RIPOR1: variants seen among roughly 807,000 people sequenced by gnomAD.
RIPOR1 encodes rho family-interacting cell polarization regulator 1.
RIPOR1 carries 58 observed loss-of-function variants against 116.5 expected under a neutral mutation model. That is an observed-to-expected ratio of 0.50 (90% CI 0.40 to 0.62). RIPOR1 has a LOEUF of 0.62. RIPOR1 is among the 20% of genes least tolerant of loss of function. The pLI, the probability that RIPOR1 is intolerant of heterozygous loss-of-function variation, is 0.00. For missense variants in RIPOR1, 1,372 were observed against 1,586.2 expected (o/e 0.86, Z 2.29); for synonymous variants, 605 against 650.0 (o/e 0.93, Z 1.05).
Position 67,529,856 on chromosome 16 carries a change from A to AG in RIPOR1, c.-24+943dup. Reference sequence around the variant, plus strand: ...CTGGCAGATGCAGAAACAGGCCCAGAGAGGTTAGTAGTATTCTCAAGGTCA... The same window carrying AG: ...CTGGCAGATGCAGAAACAGGCCCAGAGGAGGTTAGTAGTATTCTCAAGGTCA... On this transcript the variant is annotated intron_variant, in intron 1 of 21. Transcript: ENST00000042381. The surrounding 1 kb of genome is among the most constrained non-coding windows in gnomAD (Gnocchi z 4.1). 6.6e-7 allele frequency: 1 copy of AG among 1,519,464 alleles called. No homozygotes were observed. Among genetic ancestry groups the AG allele is most frequent in the Non-Finnish European group, 8.8e-7 (1 of 1,131,716 alleles). 94.1% of individuals were successfully genotyped at this position (1,519,464 alleles called of 1,614,324 possible).
rs749736508 is a variant in RIPOR1 at position 67,541,972 on chromosome 16, C to T, written c.1186C>T (p.His396Tyr). 6.2e-7 allele frequency: 1 copy of T among 1,612,506 alleles called. No individual in the cohort carries two copies. The highest frequency in any genetic ancestry group is 8.5e-7 in the Non-Finnish European group (1 of 1,179,826). Residue 396 changes from histidine (H) to tyrosine (Y), a missense_variant, in exon 13 of 22, where the codon CAC becomes TAC. Transcript: ENST00000042381. This position sits in a 1 kb window ranked among gnomAD's most constrained non-coding sequence, Gnocchi z 4.6. ...CCCACAGCTCTCAGGCACTGCCCGCCACTCACCAGCCCCTAGGCCCCTGGT... is the reference window on the plus strand; with the variant it reads ...CCCACAGCTCTCAGGCACTGCCCGCTACTCACCAGCCCCTAGGCCCCTGGT... ...SSPQLSGTARHSPAPRPLVQQ... is the reference protein window; with the variant it reads ...SSPQLSGTARYSPAPRPLVQQ...
Position 67,535,804 on chromosome 16 carries a change from A to C in RIPOR1, c.-23-2620A>C, listed in dbSNP as rs147704835. 8.3e-4 allele frequency among the ~76,000 whole-genome samples: 126 copies of C among 152,176 alleles called. 1 individual carries two copies. The Middle Eastern group carries it at 0.01, about 12-fold the overall frequency. ...GATAAGGCTGGGGATGGCTGAAGGG[A>C]CCAGAGAGGCCAGCGATAGGCAGGC... On this transcript the variant is annotated intron_variant, in intron 1 of 21. Coordinates refer to ENST00000042381, the MANE Select transcript of RIPOR1 (RefSeq NM_024519.4).
rs577818560 is a variant in RIPOR1, at chr16:67,519,576, G to A, written c.-24+963G>A. On this transcript the variant is annotated intron_variant, in intron 1 of 1. Transcript: ENST00000562116. ...GGCATAGGGAAGAGGGGACTCACTTGGTGGCTGGAGGGTGTCAGGGAAGAG... is the reference window on the plus strand; with the variant it reads ...GGCATAGGGAAGAGGGGACTCACTTAGTGGCTGGAGGGTGTCAGGGAAGAG... Among the ~76,000 whole-genome samples, 17 of 152,294 alleles carry A rather than the reference G, an allele frequency of 1.1e-4. No homozygotes were observed. In the East Asian group the frequency reaches 3.3e-3, roughly 29 times the overall value.
rs1387549781 is a variant in RIPOR1, at chr16:67,545,383, G to T, written c.3039G>T (p.Val1013=). Residue 1013 remains valine, a synonymous_variant, in exon 18 of 22, where the codon GTG becomes GTT. Coordinates refer to ENST00000042381, the MANE Select transcript of RIPOR1 (RefSeq NM_024519.4). This position sits in a 1 kb window ranked among gnomAD's most constrained non-coding sequence, Gnocchi z 4.8. ...RQPGLAEAVC[V]KFLEDALGQK... ...TGCTACTGCCTCCTGCAGTGTGTGT[G>T]AAGTTCCTGGAGGATGCCCTGGGGC... 6.2e-7 allele frequency: 1 copy of T among 1,613,884 alleles called. No homozygotes were observed. The highest frequency in any genetic ancestry group is 8.5e-7 in the Non-Finnish European group (1 of 1,179,932).
chr16:67,545,317 C>G lies in RIPOR1; in HGVS notation c.3032-59C>G. On this transcript the variant is annotated intron_variant, in intron 17 of 21. Transcript: ENST00000042381. This position sits in a 1 kb window ranked among gnomAD's most constrained non-coding sequence, Gnocchi z 4.8. ...ACCTGAGCCTGGGATAGGAGCATCTCTCCCCTCTAAAAGCTGTGTTCACCC... is the reference window on the plus strand; with the variant it reads ...ACCTGAGCCTGGGATAGGAGCATCTGTCCCCTCTAAAAGCTGTGTTCACCC... 3.8e-6 allele frequency: 6 copies of G among 1,581,472 alleles called. No individual in the cohort carries two copies. In the South Asian group the frequency reaches 5.7e-5, roughly 15 times the overall value.
rs1207065845 is a variant in RIPOR1 at position 67,537,757 on chromosome 16, G to T, written c.-23-667G>T. 6.6e-6 allele frequency among the ~76,000 whole-genome samples: 1 copy of T among 152,092 alleles called. No homozygotes were observed. Among genetic ancestry groups the T allele is most frequent in the Non-Finnish European group, 1.5e-5 (1 of 67,984 alleles). On this transcript the variant is annotated intron_variant, in intron 1 of 21. Coordinates refer to ENST00000042381, the MANE Select transcript of RIPOR1 (RefSeq NM_024519.4). The surrounding 1 kb of genome is among the most constrained non-coding windows in gnomAD (Gnocchi z 4.6). Reference sequence around the variant, plus strand: ...GGTGGAGGCGCACGTCCGTGACTCAGTTTCCAGGTGGGAGCCTCAGGAAAG... The same window carrying T: ...GGTGGAGGCGCACGTCCGTGACTCATTTTCCAGGTGGGAGCCTCAGGAAAG...
chr16:67,522,481 C>A (rs1197289712), intron 1 of RIPOR1, among the ~76,000 whole-genome samples: 1 of 151,770 alleles, frequency 6.6e-6, no homozygotes, highest in African/African-American at 2.4e-5. Flanking sequence ...AGATCACAGG[C>A]GTGAGCCACC....
chr16:67,535,908 C>T (rs1555526145), intron 1 of RIPOR1, among the ~76,000 whole-genome samples: 1 of 152,114 alleles, frequency 6.6e-6, no homozygotes, highest in Non-Finnish European at 1.5e-5. Context: ...GGGAGAATAA[C>T]ATATCTCAAA....
At position 67,545,704 on chromosome 16, in the gene RIPOR1, T is replaced by C. The variant is rs2051141978; in HGVS notation, c.3231T>C (p.Val1077=). 1.3e-6 allele frequency: 2 copies of C among 1,587,214 alleles called. No homozygotes were observed. The highest frequency in any genetic ancestry group is 1.4e-5 in the African/African-American group (1 of 74,024). The change falls in exon 19 of 22, where the codon GTT becomes GTC. Residue 1077 remains valine, a synonymous_variant. Transcript: ENST00000042381. The surrounding 1 kb of genome is among the most constrained non-coding windows in gnomAD (Gnocchi z 4.8). Reference sequence around the variant, plus strand: ...ATCTGAACTCGGATGATCAGGCTGTTGTGCTGAAGGCCCTGAGATTGGCGC... The same window carrying C: ...ATCTGAACTCGGATGATCAGGCTGTCGTGCTGAAGGCCCTGAGATTGGCGC... The part of the protein sequence containing the change: ...VRNLNSDDQA[V]VLKALRLAPE...
intron 1 of RIPOR1, among the ~76,000 whole-genome samples, chr16:67,520,091 CTG>C (rs2050481858): frequency 7.2e-6 from 1 of 138,584 alleles, no homozygotes; most frequent in African/African-American, 2.7e-5. Context: ...AAAAAAGACT[CTG>C]AGGGCCGAGT....
intron 2 of RIPOR1, 27 bp downstream of exon 2, chr16:67,538,577 G>C (rs763365894): frequency 6.2e-7 from 1 of 1,609,814 alleles, no homozygotes; most frequent in Admixed American, 1.7e-5. Context: ...GGTTGGTGGG[G>C]TCAAAGGGCG....
In RIPOR1 at chr16:67,543,159, G is replaced by A. The variant is rs374005834; in HGVS notation, c.2373G>A (p.Glu791=). 1.2e-4 allele frequency: 188 copies of A among 1,535,036 alleles called. No homozygotes were observed. The highest frequency in any genetic ancestry group is 1.5e-4 in the Non-Finnish European group (173 of 1,142,004). ...GAGGGTCTGGGGACAGGAGCCTGGA[G>A]GAGGCACTGGGGGCCCTAATGGCTG... ...AAGGSGDRSL[E]EALGALMAAL... Residue 791 remains glutamate (E), a synonymous_variant, in exon 13 of 22, where the codon GAG becomes GAA. Coordinates refer to ENST00000042381, the MANE Select transcript of RIPOR1 (RefSeq NM_024519.4). This position sits in a 1 kb window ranked among gnomAD's most constrained non-coding sequence, Gnocchi z 4.7.
chr16:67,533,815 T>C (rs2050722891), intron 1 of RIPOR1, among the ~76,000 whole-genome samples: 3 of 150,842 alleles, frequency 2.0e-5, no homozygotes, highest in African/African-American at 2.4e-5. Context: ...TTTTTTTTTT[T>C]TTTTTTTCTG....
rs1567579310 is a variant in RIPOR1 at position 67,545,392 on chromosome 16, G to A, written c.3048G>A (p.Leu1016=). ...CTCCTGCAGTGTGTGTGAAGTTCCTGGAGGATGCCCTGGGGCAGAAGCTGC... is the reference window on the plus strand; with the variant it reads ...CTCCTGCAGTGTGTGTGAAGTTCCTAGAGGATGCCCTGGGGCAGAAGCTGC... ...GLAEAVCVKF[L]EDALGQKLPR... Residue 1016 remains leucine (L), a synonymous_variant, in exon 18 of 22, where the codon CTG becomes CTA. Transcript: ENST00000042381. This position sits in a 1 kb window ranked among gnomAD's most constrained non-coding sequence, Gnocchi z 4.8. 6.2e-7 allele frequency: 1 copy of A among 1,614,032 alleles called. No individual in the cohort carries two copies. Among genetic ancestry groups the A allele is most frequent in the Non-Finnish European group, 8.5e-7 (1 of 1,180,002 alleles).
chr16:67,538,189 G>A (rs1401752330), intron 1 of RIPOR1: 3 of 412,644 alleles, frequency 7.3e-6, no homozygotes, highest in Non-Finnish European at 4.2e-6. Context: ...GGCGGAGCCC[G>A]CACCTCGGCA....
Position 67,537,528 on chromosome 16 carries a change from C to T in RIPOR1, c.-23-896C>T. 1 of 1,334,616 alleles carries T rather than the reference C, an allele frequency of 7.5e-7. No individual in the cohort carries two copies. Among genetic ancestry groups the T allele is most frequent in the Non-Finnish European group, 9.6e-7 (1 of 1,040,232 alleles). The allele number at this position is 1,334,616 out of a possible 1,614,324, so 82.7% of individuals were successfully genotyped here. A position where few individuals can be genotyped will look rare whatever the true frequency, so the allele number is the denominator to read the frequency against. ...CCGGGCGGCTCGAAGTGGCCAGGGC[C>T]GGAAGGTCCGCGGGGGGCGAGCGCG... On this transcript the variant is annotated intron_variant, in intron 1 of 21. Transcript: ENST00000042381. This position sits in a 1 kb window ranked among gnomAD's most constrained non-coding sequence, Gnocchi z 4.6.
rs968825402 is a variant in RIPOR1 at position 67,545,607 on chromosome 16, C to T, written c.3191-57C>T. ...CATGAGGACAAGCCCTCCCCAACCT[C>T]GGGGGCTCCTCACCCTGCCACCTTG... On this transcript the variant is annotated intron_variant, in intron 18 of 21. Coordinates refer to ENST00000042381, the MANE Select transcript of RIPOR1 (RefSeq NM_024519.4). The surrounding 1 kb of genome is among the most constrained non-coding windows in gnomAD (Gnocchi z 4.8). The T allele has an allele frequency of 2.5e-5, 39 of 1,583,930 alleles. No homozygotes were observed. In the Admixed American group the frequency reaches 5.6e-4, roughly 23 times the overall value.
At chr16:67,538,601 GGTCTGGGGGTGCGTAGTGAGA>G (rs759987634) in intron 2 of RIPOR1, 50 bp from the exon 3 acceptor site, 23 of 1,606,966 alleles carry the variant, frequency 1.4e-5, no homozygotes, top group Non-Finnish European at 1.8e-5. Context: ...GATGGGGCTG[GGTCTGGGGGTGCGTAGTGAGA>G]GTCTGGGGGA....
At chr16:67,518,512 G>A (rs571693791) in exon 1 of RIPOR1, 2 of 152,436 alleles carry the variant, frequency 1.3e-5, no homozygotes, top group African/African-American at 2.4e-5. Context: ...CCCAGGACAG[G>A]AGCCCACCAA....
Sources: allele counts gnomAD v4.1 joint callset (sites outside exome capture counted in the v4.1 genomes callset), GRCh38; gene constraint gnomAD v4.1.1; non-coding constraint Gnocchi (gnomAD v3.1); transcripts MANE v1.5; gene names NCBI Gene and HGNC (gene_info 2026-07-23, HGNC 2026-07-21).